Variants in HECW1 observed in about 807,000 individuals in gnomAD.
The protein encoded by HECW1 is E3 ubiquitin-protein ligase HECW1.
HECW1 carries 61 observed loss-of-function variants against 182.3 expected under a neutral mutation model. That is an observed-to-expected ratio of 0.33 (90% confidence interval 0.27 to 0.41). HECW1 has a LOEUF of 0.41. HECW1 is among the 10% of genes least tolerant of loss of function. HECW1 has a pLI of 1.00. For missense variants in HECW1, 1,739 were observed against 2,108.9 expected (o/e 0.82, Z 3.44); for synonymous variants, 859 against 832.6 (o/e 1.03, Z -0.55).
At chr7:43,503,816 T>C (rs1010083445) in intron 21 of HECW1, among the ~76,000 whole-genome samples, 34 of 152,248 alleles carry the variant, frequency 2.2e-4, no homozygotes, top group African/African-American at 7.2e-4. Flanking sequence ...GGACAGGTGA[T>C]AGTACCAGCG....
chr7:43,361,060 G>A (rs1382327156), intron 6 of HECW1, 80 bp downstream of exon 6: 14 of 108,106 alleles, frequency 1.3e-4, no homozygotes, highest in Non-Finnish European at 1.7e-4. Flanking sequence ...GTGCGTGCGT[G>A]TGTGTGTGTG....
chr7:43,223,251 C>T (rs1034331931), intron 2 of HECW1, among the ~76,000 whole-genome samples: 1 of 152,184 alleles, frequency 6.6e-6, no homozygotes, highest in African/African-American at 2.4e-5. Context: ...TCTCACCAGA[C>T]CTATTGCAAA....
intron 24 of HECW1, chr7:43,510,321 A>G (rs1191665426): frequency 1.3e-5 from 2 of 152,256 alleles, no homozygotes; most frequent in Non-Finnish European, 2.9e-5. Context: ...GTTTGTGAGC[A>G]TGAAATTTAA....
chr7:43,185,066 A>G (rs899813920), intron 2 of HECW1, among the ~76,000 whole-genome samples: 2 of 151,972 alleles, frequency 1.3e-5, no homozygotes, highest in African/African-American at 4.8e-5. Flanking sequence ...ACACTTTAAC[A>G]TGAAATTTGT....
At chr7:43,355,858 G>A (rs112527993) in intron 5 of HECW1, among the ~76,000 whole-genome samples, 16 of 151,976 alleles carry the variant, frequency 1.1e-4, no homozygotes, top group South Asian at 2.1e-4. Flanking sequence ...GTGTGGTGGC[G>A]CACACCTGTA....
intron 5 of HECW1, among the ~76,000 whole-genome samples, chr7:43,358,395 T>C (rs1815429780): frequency 6.6e-6 from 1 of 152,130 alleles, no homozygotes; most frequent in Non-Finnish European, 1.5e-5. Flanking sequence ...GGTTATAAGA[T>C]TGTCCACCAA....
chr7:43,418,439 A>G (rs963056298), intron 8 of HECW1, among the ~76,000 whole-genome samples: 2 of 151,926 alleles, frequency 1.3e-5, no homozygotes, highest in African/African-American at 4.8e-5. Flanking sequence ...CTTCTGTTTA[A>G]TTCTCTCCCC....
At chr7:43,352,901 A>G (rs1026446934) in intron 5 of HECW1, among the ~76,000 whole-genome samples, 4 of 152,172 alleles carry the variant, frequency 2.6e-5, no homozygotes, top group African/African-American at 9.7e-5. Context: ...TTGCATACTG[A>G]TGTCTCCAGT....
chr7:43,395,230 A>G (rs2075188130), intron 6 of HECW1, among the ~76,000 whole-genome samples: 1 of 152,180 alleles, frequency 6.6e-6, no homozygotes, highest in Non-Finnish European at 1.5e-5. Context: ...TCCAGGCAAG[A>G]AGGAGATCTG....
intron 3 of HECW1, among the ~76,000 whole-genome samples, chr7:43,294,139 T>G (rs1050245286): frequency 6.6e-6 from 1 of 152,204 alleles, no homozygotes; most frequent in Non-Finnish European, 1.5e-5. Context: ...TCATGTGCAT[T>G]GCAGTGGAAA....
chr7:43,424,172 G>A (rs888365668), intron 8 of HECW1, among the ~76,000 whole-genome samples: 1 of 152,140 alleles, frequency 6.6e-6, no homozygotes, highest in Non-Finnish European at 1.5e-5. Flanking sequence ...CCTCTTAGCA[G>A]GTCCCCATCT....
intron 26 of HECW1, among the ~76,000 whole-genome samples, chr7:43,544,417 T>C (rs1233138602): frequency 3.3e-5 from 5 of 152,196 alleles, no homozygotes; most frequent in African/African-American, 4.8e-5. Flanking sequence ...AACGCTATAG[T>C]GAGATACCAT....
At chr7:43,447,875 C>G (rs1584939341) in intron 11 of HECW1, among the ~76,000 whole-genome samples, 1 of 152,100 alleles carries the variant, frequency 6.6e-6, no homozygotes, top group African/African-American at 2.4e-5. Flanking sequence ...CCTGTAATCC[C>G]AGCACTTTGG....
intron 2 of HECW1, among the ~76,000 whole-genome samples, chr7:43,125,600 CA>C (rs140227336): frequency 6.7e-6 from 1 of 150,362 alleles, no homozygotes; most frequent in Non-Finnish European, 1.5e-5. Flanking sequence ...ACTAAAAATA[CA>C]AAAAAAATTA....
chr7:43,192,427 T>C (rs1430288527), intron 2 of HECW1, among the ~76,000 whole-genome samples: 2 of 152,234 alleles, frequency 1.3e-5, no homozygotes, highest in Non-Finnish European at 2.9e-5. Flanking sequence ...ATGTGCCAAA[T>C]TATTATTACT....
intron 2 of HECW1, among the ~76,000 whole-genome samples, chr7:43,165,102 C>T (rs891293823): frequency 9.2e-5 from 14 of 152,116 alleles, no homozygotes; most frequent in African/African-American, 3.4e-4. Flanking sequence ...ATAGTAAGGC[C>T]TTCTCAATCC....
At chr7:43,223,445 C>T (rs1797156713) in intron 2 of HECW1, among the ~76,000 whole-genome samples, 1 of 152,272 alleles carries the variant, frequency 6.6e-6, no homozygotes, top group Admixed American at 6.5e-5. Context: ...TGGTGAAACC[C>T]CATTTCTACT....
chr7:43,181,674 T>G (rs1792870861), intron 2 of HECW1, among the ~76,000 whole-genome samples: 1 of 151,036 alleles, frequency 6.6e-6, no homozygotes, highest in Admixed American at 6.6e-5. Context: ...ATTTTAAAAT[T>G]GAATTATTTG....
intron 7 of HECW1, among the ~76,000 whole-genome samples, chr7:43,405,054 C>G (rs2152843267): frequency 6.6e-6 from 1 of 152,276 alleles, no homozygotes; most frequent in Non-Finnish European, 1.5e-5. Flanking sequence ...CTGATGTCAA[C>G]CAGCCCTGAC....
Sources: gnomAD v4.1 joint callset for allele counts (sites outside exome capture counted in the v4.1 genomes callset) on GRCh38, gnomAD v4.1.1 for gene constraint, MANE v1.5 for transcripts, NCBI Gene and HGNC (gene_info 2026-07-23, HGNC 2026-07-21) for gene names.